The following PTPN14 variants were observed in gnomAD, a reference collection of about 807,000 sequenced individuals.
The protein encoded by PTPN14 is tyrosine-protein phosphatase non-receptor type 14.
A neutral mutation model predicts 126.8 loss-of-function variants in PTPN14; 53 were observed. The observed-to-expected ratio is 0.42, with a 90% confidence interval of 0.34 to 0.53. The LOEUF is 0.53. Ranked by LOEUF, PTPN14 falls within the 20% of genes least tolerant of loss-of-function variation. The pLI is 0.08. For missense variants in PTPN14, 1,257 were observed against 1,552.9 expected (o/e 0.81, Z 3.20); for synonymous variants, 630 against 599.3 (o/e 1.05, Z -0.75).
At chr1:214,533,464 G>A in intron 1 of PTPN14, 2 of 472,056 alleles carry the variant, frequency 4.2e-6, no homozygotes, top group South Asian at 2.0e-5. Context: ...AAAGTTCTGA[G>A]ACATTAAGCC....
intron 3 of PTPN14, among the ~76,000 whole-genome samples, chr1:214,439,069 T>C (rs1301914319): frequency 5.3e-5 from 8 of 152,248 alleles, no homozygotes. Context: ...CTTCCCACAT[T>C]AATGTATGTT....
intron 1 of PTPN14, among the ~76,000 whole-genome samples, chr1:214,479,490 C>T (rs763802607): frequency 7.2e-5 from 11 of 152,076 alleles, no homozygotes; most frequent in Non-Finnish European, 1.6e-4. Context: ...CAGGCGCCCA[C>T]CACCAAGCCC....
intron 17 of PTPN14, among the ~76,000 whole-genome samples, chr1:214,365,314 C>T (rs906103679): frequency 6.6e-6 from 1 of 152,168 alleles, no homozygotes; most frequent in African/African-American, 2.4e-5. Context: ...ATGATACCCC[C>T]CATGCCTTCT....
rs7414076 is a variant in PTPN14, at chr1:214,398,990, A to G, written c.670-989T>C. 8.1e-3 allele frequency among the ~76,000 whole-genome samples: 1,208 copies of G among 148,300 alleles called. 17 individuals carry two copies. The highest frequency in any genetic ancestry group is 0.028 in the African/African-American group (1,140 of 40,088). On this transcript the variant is annotated intron_variant, in intron 7 of 18. Coordinates refer to ENST00000366956, the MANE Select transcript of PTPN14 (RefSeq NM_005401.5). ...CACCATGTTGGCCAGGATGGTCTCG[A>G]TCTCTTGACCTCGTGATCCACCCGC...
intron 1 of PTPN14, among the ~76,000 whole-genome samples, chr1:214,495,704 T>C (rs548934536): frequency 6.7e-4 from 100 of 148,362 alleles, no homozygotes; most frequent in African/African-American, 2.3e-3. Context: ...TATTTATTTA[T>C]TTACTTCGCA....
At chr1:214,407,040 C>T (rs79313807) in intron 5 of PTPN14, among the ~76,000 whole-genome samples, 2,167 of 152,314 alleles carry the variant, frequency 0.014, 24 homozygotes, top group Non-Finnish European at 0.026. Context: ...CTGGGAAACA[C>T]CCTGACTTTT....
At chr1:214,533,063 T>G in intron 1 of PTPN14, 1 of 744,908 alleles carries the variant, frequency 1.3e-6, no homozygotes, top group Non-Finnish European at 2.4e-6. Flanking sequence ...GAGATGACAC[T>G]CACGGAGCTG....
intron 1 of PTPN14, among the ~76,000 whole-genome samples, chr1:214,544,702 G>A (rs1450162120): frequency 1.3e-5 from 2 of 152,064 alleles, no homozygotes; most frequent in African/African-American, 4.8e-5. Context: ...AGTGAGCCGA[G>A]ATAGCACCAC....
At chr1:214,363,423 G>T (rs1056695743) in intron 18 of PTPN14, among the ~76,000 whole-genome samples, 7 of 152,136 alleles carry the variant, frequency 4.6e-5, no homozygotes, top group African/African-American at 1.7e-4. Flanking sequence ...GAATAAATAG[G>T]TATATTATCA....
At chr1:214,469,462 C>G (rs1374685940) in intron 1 of PTPN14, among the ~76,000 whole-genome samples, 1 of 152,126 alleles carries the variant, frequency 6.6e-6, no homozygotes, top group Non-Finnish European at 1.5e-5. Flanking sequence ...TAGTCTGGCT[C>G]CTGGAACCTT....
At chr1:214,427,320 T>C (rs1019557161) in intron 3 of PTPN14, among the ~76,000 whole-genome samples, 12 of 134,140 alleles carry the variant, frequency 8.9e-5, no homozygotes, top group South Asian at 7.5e-4. Context: ...GCAGAAAATA[T>C]AAGGCCTCCT....
rs537712004 is a variant in PTPN14 at position 214,402,207 on chromosome 1, G to A, written c.582-435C>T. Among the ~76,000 whole-genome samples the A allele has an allele frequency of 2.0e-5, 3 of 151,954 alleles. No homozygotes were observed. In the East Asian group the frequency reaches 5.8e-4, roughly 30 times the overall value. On this transcript the variant is annotated intron_variant, in intron 6 of 18. Transcript: ENST00000366956. Reference sequence around the variant, plus strand: ...AATCCCAGCACTTTGGGAGGCCGAGGCAGGCAGATCACTTGAGGTCAGGCA... The same window carrying A: ...AATCCCAGCACTTTGGGAGGCCGAGACAGGCAGATCACTTGAGGTCAGGCA...
At chr1:214,402,437 CAAAAAAAAAA>C (rs1165595746) in intron 6 of PTPN14, among the ~76,000 whole-genome samples, 1 of 48,166 alleles carries the variant, frequency 2.1e-5, no homozygotes, top group Non-Finnish European at 3.8e-5. Context: ...GAGACTCTGT[CAAAAAAAAAA>C]AAAAAAAAAA....
chr1:214,545,323 T>G (rs534284209), intron 1 of PTPN14, among the ~76,000 whole-genome samples: 2 of 152,192 alleles, frequency 1.3e-5, no homozygotes, highest in South Asian at 4.2e-4. Flanking sequence ...GTGCTGGTAT[T>G]TGGCCAGGGT....
At chr1:214,543,637 C>T (rs148870868) in intron 1 of PTPN14, among the ~76,000 whole-genome samples, 2 of 151,730 alleles carry the variant, frequency 1.3e-5, no homozygotes, top group African/African-American at 4.8e-5. Context: ...TTCTATAACA[C>T]GTTTTTTTTT....
rs1254131498 is a variant in PTPN14, at chr1:214,356,536, A to G, written c.*1386T>C. Reference sequence around the variant, plus strand: ...ATGATTTATTGTGTACCATCCTTGGAAATTCAGAAGGACACTGACCAATGA... The same window carrying G: ...ATGATTTATTGTGTACCATCCTTGGGAATTCAGAAGGACACTGACCAATGA... On this transcript the variant is annotated 3_prime_UTR_variant, in exon 19 of 19. Coordinates refer to ENST00000366956, the MANE Select transcript of PTPN14 (RefSeq NM_005401.5). 1 of 152,258 alleles carries G rather than the reference A, an allele frequency of 6.6e-6. No homozygotes were observed. The allele number at this position is 152,258 out of a possible 1,614,324, so 9.4% of individuals were successfully genotyped here. A position where few individuals can be genotyped will look rare whatever the true frequency, so the allele number is the denominator to read the frequency against.
At position 214,440,671 on chromosome 1, in the gene PTPN14, C is replaced by T. The variant is rs540302741; in HGVS notation, c.344+11134G>A. ...AGCTGGACACTGAATGACATAAAAT[C>T]AACTGGGTCAATGAAGAGATATGGG... is the stretch of plus-strand genomic sequence containing the variant. On this transcript the variant is annotated intron_variant, in intron 3 of 18. Coordinates refer to ENST00000366956, the MANE Select transcript of PTPN14 (RefSeq NM_005401.5). Among the ~76,000 whole-genome samples the T allele has an allele frequency of 2.6e-5, 4 of 152,338 alleles. 1 individual carries two copies. The highest frequency in any genetic ancestry group is 7.2e-5 in the African/African-American group (3 of 41,572).
intron 1 of PTPN14, among the ~76,000 whole-genome samples, chr1:214,544,002 C>T (rs1655906465): frequency 1.3e-5 from 2 of 152,184 alleles, no homozygotes; most frequent in Admixed American, 6.5e-5. Context: ...TACCCAACCT[C>T]CACCTAAGAT....
intron 1 of PTPN14, among the ~76,000 whole-genome samples, chr1:214,543,622 A>C (rs927586732): frequency 6.6e-6 from 1 of 151,726 alleles, no homozygotes; most frequent in Non-Finnish European, 1.5e-5. Context: ...GCATTCATTC[A>C]CTGATTCTAT....
Sources: allele counts gnomAD v4.1 joint callset (sites outside exome capture counted in the v4.1 genomes callset), GRCh38; gene constraint gnomAD v4.1.1; transcripts MANE v1.5; gene names NCBI Gene and HGNC (gene_info 2026-07-23, HGNC 2026-07-21).